UBE2E2: variants seen among roughly 807,000 people sequenced by gnomAD.
UBE2E2 encodes ubiquitin-conjugating enzyme E2 E2.
In UBE2E2, 6 loss-of-function variants were observed where a neutral mutation model predicts 24.7. That is an observed-to-expected ratio of 0.24 (90% confidence interval 0.13 to 0.48). The LOEUF is 0.48. Ranked by LOEUF, UBE2E2 falls within the 20% of genes least tolerant of loss-of-function variation. The probability of loss-of-function intolerance (pLI) is 0.99; values close to 1 mark genes in which losing one functional copy is unlikely to be tolerated. For synonymous variants in UBE2E2, 104 were observed against 83.6 expected, an observed-to-expected ratio of 1.24 and a Z score of -1.33; for missense variants, 169 against 245.0, an observed-to-expected ratio of 0.69 and a Z score of 2.07.
In UBE2E2 at chr3:23,589,656, A is replaced by C; in HGVS notation, c.509-78A>C. 6.8e-7 allele frequency: 1 copy of C among 1,481,322 alleles called. No individual in the cohort carries two copies. The highest frequency in any genetic ancestry group is 9.4e-7 in the Non-Finnish European group (1 of 1,067,568). 91.8% of individuals were successfully genotyped at this position (1,481,322 alleles called of 1,614,324 possible). A position where few individuals can be genotyped will look rare whatever the true frequency, so the allele number is the denominator to read the frequency against. Reference sequence around the variant, plus strand: ...GCAGCTTCTCATCTCCTACCCTCCCACTCCTTGCCAGCTTTCTGAACACTT... The same window carrying C: ...GCAGCTTCTCATCTCCTACCCTCCCCCTCCTTGCCAGCTTTCTGAACACTT... On this transcript the variant is annotated intron_variant, in intron 5 of 5. Transcript: ENST00000396703. This position sits in a 1 kb window ranked among gnomAD's most constrained non-coding sequence, Gnocchi z 4.1.
intron 3 of UBE2E2, among the ~76,000 whole-genome samples, chr3:23,330,267 A>C (rs951894973): frequency 2.6e-5 from 4 of 152,250 alleles, no homozygotes; most frequent in Admixed American, 1.3e-4. Context: ...TAAATGTAAT[A>C]CTTTCAATTA....
chr3:23,229,149 G>T (rs1435918305), intron 3 of UBE2E2, among the ~76,000 whole-genome samples: 2 of 152,170 alleles, frequency 1.3e-5, no homozygotes, highest in African/African-American at 4.8e-5. Flanking sequence ...CTGTGAATTA[G>T]TAAATATAAT....
At chr3:23,270,875 C>T (rs1169000703) in intron 3 of UBE2E2, 4 of 455,536 alleles carry the variant, frequency 8.8e-6, no homozygotes, top group African/African-American at 2.0e-5. Context: ...TTACAAGTCT[C>T]AGATTAAGAA....
intron 3 of UBE2E2, among the ~76,000 whole-genome samples, chr3:23,264,020 T>C (rs1391697545): frequency 6.6e-6 from 1 of 152,174 alleles, no homozygotes; most frequent in Non-Finnish European, 1.5e-5. Flanking sequence ...TACTGAGTGC[T>C]TACTATGAGT....
At chr3:23,337,235 C>A (rs1339848486) in intron 3 of UBE2E2, among the ~76,000 whole-genome samples, 1 of 151,904 alleles carries the variant, frequency 6.6e-6, no homozygotes, top group Admixed American at 6.6e-5. Context: ...ATCCAGAAGT[C>A]TTCACATCCA....
At chr3:23,458,933 A>C (rs761414517) in intron 3 of UBE2E2, among the ~76,000 whole-genome samples, 1 of 152,220 alleles carries the variant, frequency 6.6e-6, no homozygotes, top group Non-Finnish European at 1.5e-5. Context: ...AAAACACGGC[A>C]TGCCTGTAAA....
chr3:23,399,202 G>C (rs902625647), intron 3 of UBE2E2, among the ~76,000 whole-genome samples: 1 of 152,202 alleles, frequency 6.6e-6, no homozygotes, highest in Non-Finnish European at 1.5e-5. Flanking sequence ...TCCTGTTCAA[G>C]TTAAGAACGT....
chr3:23,385,084 C>A (rs1314589742), intron 3 of UBE2E2, among the ~76,000 whole-genome samples: 10 of 152,178 alleles, frequency 6.6e-5, no homozygotes, highest in Non-Finnish European at 1.0e-4. Flanking sequence ...GCGCACACTA[C>A]CACACCTGGC....
At chr3:23,232,748 C>A (rs932472306) in intron 3 of UBE2E2, among the ~76,000 whole-genome samples, 1 of 152,330 alleles carries the variant, frequency 6.6e-6, no homozygotes, top group Non-Finnish European at 1.5e-5. Context: ...TTTGCGCATA[C>A]ATTGTTTCAT....
chr3:23,496,315 A>G (rs1434970524), intron 3 of UBE2E2, among the ~76,000 whole-genome samples: 2 of 152,196 alleles, frequency 1.3e-5, no homozygotes, highest in Admixed American at 6.5e-5. Flanking sequence ...AAACCTAGTA[A>G]TAAAACAGAA....
intron 3 of UBE2E2, among the ~76,000 whole-genome samples, chr3:23,257,461 T>G (rs375188663): frequency 2.0e-5 from 3 of 149,560 alleles, no homozygotes; most frequent in African/African-American, 4.9e-5. Context: ...CTCCATTGCT[T>G]TATCTTGCTT....
At chr3:23,497,258 G>A (rs1699621052) in intron 3 of UBE2E2, among the ~76,000 whole-genome samples, 1 of 152,136 alleles carries the variant, frequency 6.6e-6, no homozygotes, top group African/African-American at 2.4e-5. Context: ...CCTTCGTATG[G>A]ATCCCATGGT....
chr3:23,401,231 G>A (rs1697213936), intron 3 of UBE2E2, among the ~76,000 whole-genome samples: 1 of 152,166 alleles, frequency 6.6e-6, no homozygotes, highest in Non-Finnish European at 1.5e-5. Flanking sequence ...AGTAGAGTAT[G>A]GTGAAAAGGT....
At chr3:23,342,459 G>A (rs560332999) in intron 3 of UBE2E2, among the ~76,000 whole-genome samples, 2 of 152,258 alleles carry the variant, frequency 1.3e-5, no homozygotes, top group Admixed American at 1.3e-4. Flanking sequence ...TCCTTCCGCA[G>A]ATAAAAATGT....
intron 3 of UBE2E2, among the ~76,000 whole-genome samples, chr3:23,479,836 T>G (rs1699218514): frequency 6.6e-6 from 1 of 152,172 alleles, no homozygotes; most frequent in African/African-American, 2.4e-5. Flanking sequence ...TAAGTCTGGC[T>G]GAGTCTGGGG....
In UBE2E2 at chr3:23,512,195, CTTT is replaced by C. The variant is rs5847236; in HGVS notation, c.360+12468_360+12470del. Among the ~76,000 whole-genome samples, 30 of 135,930 alleles carry C rather than the reference CTTT, an allele frequency of 2.2e-4. 1 individual carries two copies. Among genetic ancestry groups the C allele is most frequent in the African/African-American group, 7.5e-4 (28 of 37,198 alleles). The allele number at this position is 135,930 out of a possible 152,430, so 89.2% of individuals were successfully genotyped here. A position where few individuals can be genotyped will look rare whatever the true frequency, so the allele number is the denominator to read the frequency against. ...CAGCCTTTCTTTCCTGCCTGCCTGC[CTTT>C]TTTTTTTTTTTTCTATTTATTTTAT... On this transcript the variant is annotated intron_variant, in intron 4 of 5. Coordinates refer to ENST00000396703, the MANE Select transcript of UBE2E2 (RefSeq NM_152653.4).
intron 5 of UBE2E2, among the ~76,000 whole-genome samples, chr3:23,554,877 G>T (rs1403682914): frequency 6.6e-6 from 1 of 151,626 alleles, no homozygotes; most frequent in South Asian, 2.1e-4. Context: ...ATACAGTTCA[G>T]TAGCAAGAAA....
At chr3:23,561,354 T>G (rs1695925218) in intron 5 of UBE2E2, among the ~76,000 whole-genome samples, 1 of 152,226 alleles carries the variant, frequency 6.6e-6, no homozygotes, top group Non-Finnish European at 1.5e-5. Context: ...CTTGTTTTTG[T>G]CAGGTTTGTC....
In UBE2E2 at chr3:23,458,953, A is replaced by G. The variant is rs1347259994; in HGVS notation, c.228-40655A>G. 3.9e-5 allele frequency among the ~76,000 whole-genome samples: 6 copies of G among 152,226 alleles called. No individual in the cohort carries two copies. In the South Asian group the frequency reaches 6.2e-4, roughly 16 times the overall value. On this transcript the variant is annotated intron_variant, in intron 3 of 5. Coordinates refer to ENST00000396703, the MANE Select transcript of UBE2E2 (RefSeq NM_152653.4). ...ACGGCATGCCTGTAAATGGCAGTAA[A>G]TCAGAAAGTAAGGTCATCATGAGGT...
Sources: allele counts gnomAD v4.1 joint callset (sites outside exome capture counted in the v4.1 genomes callset), GRCh38; gene constraint gnomAD v4.1.1; non-coding constraint Gnocchi (gnomAD v3.1); transcripts MANE v1.5; gene names NCBI Gene and HGNC (gene_info 2026-07-23, HGNC 2026-07-21).